Variants in ANKRD6 observed in about 807,000 individuals in gnomAD.
ANKRD6 encodes ankyrin repeat domain 6.
Under a neutral mutation model 82.3 loss-of-function variants are expected in ANKRD6, and 56 were observed. That is an observed-to-expected ratio of 0.68 (90% CI 0.55 to 0.85). The LOEUF (loss-of-function observed/expected upper bound fraction) is 0.85. Among genes scored for constraint, ANKRD6 ranks in the 40% least tolerant of loss-of-function variants. ANKRD6 has a pLI of 0.00. For missense variants in ANKRD6, 852 were observed against 907.6 expected (o/e 0.94, Z 0.79); for synonymous variants, 347 against 352.1 (o/e 0.99, Z 0.16).
intron 2 of ANKRD6, among the ~76,000 whole-genome samples, chr6:89,570,674 T>A (rs918035132): frequency 1.3e-5 from 2 of 152,234 alleles, no homozygotes; most frequent in Admixed American, 6.5e-5. Flanking sequence ...ACTAGCTTAT[T>A]GCACTTAGCG....
chr6:89,598,071 C>T, intron 3 of ANKRD6: 1 of 974,002 alleles, frequency 1.0e-6, no homozygotes, highest in South Asian at 4.7e-5. Context: ...GAAGAATTTA[C>T]TCCTAACTTC....
chr6:89,492,790 G>T (rs1407958327), intron 1 of ANKRD6, among the ~76,000 whole-genome samples: 2 of 152,090 alleles, frequency 1.3e-5, no homozygotes, highest in Non-Finnish European at 2.9e-5. Flanking sequence ...GGACCATTTG[G>T]TACCTTTTTT....
At chr6:89,609,618 T>G (rs1799697056) in intron 5 of ANKRD6, among the ~76,000 whole-genome samples, 1 of 151,302 alleles carries the variant, frequency 6.6e-6, no homozygotes, top group African/African-American at 2.4e-5. Flanking sequence ...CACCACGTTT[T>G]TTTGTTTGTT....
At chr6:89,510,042 A>G (rs1313772842) in intron 1 of ANKRD6, among the ~76,000 whole-genome samples, 1 of 152,106 alleles carries the variant, frequency 6.6e-6, no homozygotes, top group Non-Finnish European at 1.5e-5. Flanking sequence ...AGCCATGTTG[A>G]GAGAAGCATG....
chr6:89,616,857 T>C (rs1346591500), intron 8 of ANKRD6, 200 bp downstream of exon 8: 1 of 684,984 alleles, frequency 1.5e-6, no homozygotes, highest in Non-Finnish European at 2.7e-6. Flanking sequence ...TTGACAAGCC[T>C]TGGGGCCTGC....
At chr6:89,561,428 G>C (rs1291453374) in intron 1 of ANKRD6, 2 of 152,234 alleles carry the variant, frequency 1.3e-5, no homozygotes, top group African/African-American at 2.4e-5. Context: ...GTGGGCACCA[G>C]GTTCCGTGAG....
chr6:89,484,990 C>T (rs971021129), intron 1 of ANKRD6, among the ~76,000 whole-genome samples: 11 of 152,136 alleles, frequency 7.2e-5, no homozygotes, highest in African/African-American at 2.4e-4. Context: ...CTCAGGGGCC[C>T]TTGGAAATGT....
At chr6:89,499,999 G>A (rs989451782) in intron 1 of ANKRD6, among the ~76,000 whole-genome samples, 1 of 152,126 alleles carries the variant, frequency 6.6e-6, no homozygotes, top group Admixed American at 6.5e-5. Context: ...AAGCCTCCGA[G>A]GCATCTGGGC....
chr6:89,581,129 C>CTGTGTGTTTCCCCATTTTATACAAAT (rs1324996663), intron 2 of ANKRD6, among the ~76,000 whole-genome samples: 1 of 152,164 alleles, frequency 6.6e-6, no homozygotes, highest in Non-Finnish European at 1.5e-5. Context: ...AGATGTATCT[C>CTGTGTGTTTCCCCATTTTATACAAAT]TGTGTGTTTC....
intron 1 of ANKRD6, among the ~76,000 whole-genome samples, chr6:89,557,100 G>T (rs1786702417): frequency 6.6e-6 from 1 of 152,206 alleles, no homozygotes; most frequent in South Asian, 2.1e-4. Flanking sequence ...TCAAGGTGAG[G>T]ACACAGGAAA....
At chr6:89,536,985 GT>G (rs995079090) in intron 1 of ANKRD6, among the ~76,000 whole-genome samples, 5 of 151,816 alleles carry the variant, frequency 3.3e-5, no homozygotes, top group Admixed American at 2.6e-4. Flanking sequence ...AGTCATAGCA[GT>G]TTTTTTTTAA....
chr6:89,622,814 A>G (rs554011909), intron 10 of ANKRD6, among the ~76,000 whole-genome samples: 1 of 152,220 alleles, frequency 6.6e-6, no homozygotes, highest in South Asian at 2.1e-4. Context: ...GTTATCACCA[A>G]GTACTTGCTC....
rs377541073 is a variant in ANKRD6 at position 89,624,008 on chromosome 6, C to T, written c.1169C>T (p.Ala390Val). 53 of 1,611,302 alleles carry T rather than the reference C, an allele frequency of 3.3e-5. No individual in the cohort carries two copies. The African/African-American group carries it at 5.4e-4, about 16-fold the overall frequency. Residue 390 changes from alanine to valine, a missense_variant, in exon 12 of 16, where the codon GCG becomes GTG. Ala to Val is a moderately conservative substitution (Grantham distance 64). Coordinates refer to ENST00000339746, the MANE Select transcript of ANKRD6 (RefSeq NM_001242809.2). ...SSPPPPHEFR[A>V]YQLYTLYRGK... ...CCACCCCCACCCCATGAGTTCAGGG[C>T]GTATCAGCTCTACACATTGTACCGG...
At chr6:89,574,249 T>C (rs915086153) in intron 2 of ANKRD6, among the ~76,000 whole-genome samples, 8 of 152,200 alleles carry the variant, frequency 5.3e-5, no homozygotes, top group Non-Finnish European at 1.0e-4. Context: ...TTGTAGGGTA[T>C]TTAGCAGCAT....
rs908091137 is a variant in ANKRD6, at chr6:89,552,595, T to C, written c.-143-14239T>C. ...TGTTGGGAAGGGCTTGGAAATCTAA[T>C]TGGAGAATTTAGCCTCTTGTTGACT... On this transcript the variant is annotated intron_variant, in intron 1 of 15. Coordinates refer to ENST00000339746, the MANE Select transcript of ANKRD6 (RefSeq NM_001242809.2). Among the ~76,000 whole-genome samples the C allele has an allele frequency of 2.2e-4, 33 of 152,158 alleles. 1 individual carries two copies. The highest frequency in any genetic ancestry group is 7.4e-5 in the Non-Finnish European group (5 of 68,018).
In ANKRD6 at chr6:89,626,084, T is replaced by G. The variant is rs990882671; in HGVS notation, c.1371+1393T>G. On this transcript the variant is annotated intron_variant, in intron 13 of 15. Transcript: ENST00000339746. ...AATTGATTAAGGACATTTTACTGTT[T>G]AAGTTTTATTTCCTTGTTTACTGGT... 3.3e-5 allele frequency among the ~76,000 whole-genome samples: 5 copies of G among 152,324 alleles called. No homozygotes were observed. The East Asian group carries it at 7.7e-4, about 23-fold the overall frequency.
intron 1 of ANKRD6, among the ~76,000 whole-genome samples, chr6:89,461,181 T>C (rs1774087729): frequency 6.6e-6 from 1 of 152,220 alleles, no homozygotes; most frequent in Non-Finnish European, 1.5e-5. Context: ...CCTGAAGTGT[T>C]GGGATTACAG....
intron 3 of ANKRD6, chr6:89,602,439 T>C (rs1797431113): frequency 6.6e-6 from 1 of 152,312 alleles, no homozygotes; most frequent in Non-Finnish European, 1.5e-5. Context: ...GATGTTGTCA[T>C]GAACTCTCTG....
At chr6:89,491,568 C>T (rs1778010195) in intron 1 of ANKRD6, among the ~76,000 whole-genome samples, 1 of 150,282 alleles carries the variant, frequency 6.7e-6, no homozygotes, top group African/African-American at 2.4e-5. Context: ...TGTTCTCACT[C>T]ATAGGTGGGA....
Sources: gnomAD v4.1 joint callset for allele counts (sites outside exome capture counted in the v4.1 genomes callset) on GRCh38, gnomAD v4.1.1 for gene constraint, MANE v1.5 for transcripts, NCBI Gene and HGNC (gene_info 2026-07-23, HGNC 2026-07-21) for gene names.